Variants in UNC5D observed in about 807,000 individuals in gnomAD.
The protein encoded by UNC5D is netrin receptor UNC5D.
UNC5D carries 39 observed loss-of-function variants against 105.4 expected under a neutral mutation model. The ratio of observed to expected loss-of-function variants is 0.37; its 90% CI spans 0.29 to 0.48. The LOEUF is 0.48. UNC5D is among the 20% of genes least tolerant of loss of function. UNC5D has a pLI of 0.98. For missense variants in UNC5D, 991 were observed against 1,202.4 expected, an observed-to-expected ratio of 0.82 and a Z score of 2.60; for synonymous variants, 452 against 450.4, an observed-to-expected ratio of 1.00 and a Z score of -0.04.
chr8:35,374,597 C>T (rs1802592425), intron 1 of UNC5D, among the ~76,000 whole-genome samples: 1 of 152,146 alleles, frequency 6.6e-6, no homozygotes, highest in African/African-American at 2.4e-5. Context: ...TCATGTCAGG[C>T]ATCAGTGAGC....
At chr8:35,538,433 A>G (rs1214762488) in intron 1 of UNC5D, among the ~76,000 whole-genome samples, 1 of 132,988 alleles carries the variant, frequency 7.5e-6, no homozygotes, top group Non-Finnish European at 1.6e-5. Flanking sequence ...ATATATATAT[A>G]TATATATGAA....
intron 1 of UNC5D, among the ~76,000 whole-genome samples, chr8:35,398,775 C>T (rs1446318950): frequency 6.6e-6 from 1 of 152,102 alleles, no homozygotes; most frequent in African/African-American, 2.4e-5. Flanking sequence ...GTGATTTGGA[C>T]ACATTTTAAA....
intron 1 of UNC5D, among the ~76,000 whole-genome samples, chr8:35,540,028 A>G (rs948431228): frequency 8.1e-4 from 124 of 152,322 alleles, no homozygotes; most frequent in African/African-American, 2.8e-3. Flanking sequence ...GCATTAAAAC[A>G]ACCATTTTTC....
chr8:35,251,993 T>C (rs914176956), intron 1 of UNC5D, among the ~76,000 whole-genome samples: 6 of 151,112 alleles, frequency 4.0e-5, no homozygotes, highest in African/African-American at 9.7e-5. Flanking sequence ...CTAATATTAC[T>C]ACCCTGTTCC....
chr8:35,364,831 A>G (rs1419745616), intron 1 of UNC5D, among the ~76,000 whole-genome samples: 6 of 152,212 alleles, frequency 3.9e-5, no homozygotes, highest in African/African-American at 1.4e-4. Flanking sequence ...ACCATTATAA[A>G]TGATATGCTT....
rs796382583 is a variant in UNC5D, at chr8:35,341,454, GT to G, written c.103+105576del. ...GAAGGAGCTTGTTTTTTTTTTTTCT[GT>G]TTTTTTTTGTTTTTTGTTTTTCCAG... is the stretch of plus-strand genomic sequence containing the variant. On this transcript the variant is annotated intron_variant, in intron 1 of 16. Coordinates refer to ENST00000404895, the MANE Select transcript of UNC5D (RefSeq NM_080872.4). Among the ~76,000 whole-genome samples the G allele has an allele frequency of 2.5e-4, 36 of 145,760 alleles. 1 individual carries two copies. The highest frequency in any genetic ancestry group is 2.2e-4 in the South Asian group (1 of 4,578).
At chr8:35,547,347 G>A (rs1014891142) in intron 1 of UNC5D, among the ~76,000 whole-genome samples, 6 of 148,718 alleles carry the variant, frequency 4.0e-5, no homozygotes, top group African/African-American at 1.3e-4. Context: ...GCTGGAGGCT[G>A]GAGTGCAGTA....
At chr8:35,769,274 C>T (rs1301637157) in intron 15 of UNC5D, among the ~76,000 whole-genome samples, 1 of 152,082 alleles carries the variant, frequency 6.6e-6, no homozygotes, top group Non-Finnish European at 1.5e-5. Flanking sequence ...AACTCAGAGA[C>T]CTGACTTGAA....
chr8:35,630,847 A>G (rs1469240186), intron 4 of UNC5D, among the ~76,000 whole-genome samples: 5 of 152,212 alleles, frequency 3.3e-5, no homozygotes, highest in Non-Finnish European at 5.9e-5. Context: ...AATTTAAGCC[A>G]TGCTTCTCCC....
At chr8:35,567,617 G>A (rs1220660379) in intron 2 of UNC5D, among the ~76,000 whole-genome samples, 1 of 152,076 alleles carries the variant, frequency 6.6e-6, no homozygotes, top group Non-Finnish European at 1.5e-5. Flanking sequence ...TTTCAGCCTG[G>A]TCACCCCATC....
At chr8:35,265,487 A>G (rs1207790392) in intron 1 of UNC5D, among the ~76,000 whole-genome samples, 1 of 152,204 alleles carries the variant, frequency 6.6e-6, no homozygotes, top group Non-Finnish European at 1.5e-5. Context: ...AACTTTATTT[A>G]TAAAAGCAGG....
chr8:35,404,734 T>C (rs2128952858), intron 1 of UNC5D, among the ~76,000 whole-genome samples: 1 of 152,188 alleles, frequency 6.6e-6, no homozygotes, highest in Non-Finnish European at 1.5e-5. Flanking sequence ...ATTACAGGTG[T>C]CTGCCACCAC....
At position 35,387,362 on chromosome 8, in the gene UNC5D, C is replaced by CA. The variant is rs745672033; in HGVS notation, c.103+151488dup. 3.8e-3 allele frequency among the ~76,000 whole-genome samples: 431 copies of CA among 114,060 alleles called. 23 individuals are homozygous for CA. The highest frequency in any genetic ancestry group is 0.015 in the Admixed American group (162 of 10,990). 74.8% of individuals were successfully genotyped at this position (114,060 alleles called of 152,430 possible). On this transcript the variant is annotated intron_variant, in intron 1 of 16. Coordinates refer to ENST00000404895, the MANE Select transcript of UNC5D (RefSeq NM_080872.4). Reference sequence around the variant, plus strand: ...TGGGCGACACAGCGAGACTCCATCTCAAAAAAAAAAAAAGAGAAACGCAGA... The same window carrying CA: ...TGGGCGACACAGCGAGACTCCATCTCAAAAAAAAAAAAAAGAGAAACGCAGA...
At chr8:35,518,282 C>A (rs1055917657) in intron 1 of UNC5D, among the ~76,000 whole-genome samples, 1 of 152,004 alleles carries the variant, frequency 6.6e-6, no homozygotes, top group East Asian at 1.9e-4. Flanking sequence ...CTTTTCCTTC[C>A]CCATTTTCTT....
In UNC5D at chr8:35,795,241, G is replaced by C. The variant is rs1392273385; in HGVS notation, c.*4678G>C. On this transcript the variant is annotated 3_prime_UTR_variant, in exon 17 of 17. Coordinates refer to ENST00000404895, the MANE Select transcript of UNC5D (RefSeq NM_080872.4). The stretch of plus-strand genomic sequence containing the variant: ...AATTATAGACTATATTACTAAATTT[G>C]GTAAGGTAGTTCTTTGCATGAATGG... The C allele has an allele frequency of 6.6e-6, 1 of 151,994 alleles. No individual in the cohort carries two copies. The highest frequency in any genetic ancestry group is 1.5e-5 in the Non-Finnish European group (1 of 67,992). 9.4% of individuals were successfully genotyped at this position (151,994 alleles called of 1,614,324 possible).
chr8:35,545,236 C>T (rs1357706811), intron 1 of UNC5D, among the ~76,000 whole-genome samples: 1 of 152,222 alleles, frequency 6.6e-6, no homozygotes, highest in Non-Finnish European at 1.5e-5. Flanking sequence ...ATGACCTCCT[C>T]CCACCCTGTC....
chr8:35,708,992 C>A (rs138163029), intron 8 of UNC5D, among the ~76,000 whole-genome samples: 13 of 152,174 alleles, frequency 8.5e-5, no homozygotes, highest in Non-Finnish European at 1.8e-4. Context: ...CTTGGAGAGC[C>A]TCCTAGAGCC....
At chr8:35,590,070 T>G (rs1703619882) in intron 3 of UNC5D, among the ~76,000 whole-genome samples, 1 of 152,156 alleles carries the variant, frequency 6.6e-6, no homozygotes, top group African/African-American at 2.4e-5. Flanking sequence ...AATTAGTGAT[T>G]TGGTCCTTTT....
chr8:35,543,777 C>T (rs1414784878), intron 1 of UNC5D, among the ~76,000 whole-genome samples: 1 of 152,172 alleles, frequency 6.6e-6, no homozygotes, highest in Non-Finnish European at 1.5e-5. Flanking sequence ...TCCTAACACA[C>T]CCATCCTGAT....
Sources: gnomAD v4.1 joint callset for allele counts (sites outside exome capture counted in the v4.1 genomes callset) on GRCh38, gnomAD v4.1.1 for gene constraint, MANE v1.5 for transcripts, NCBI Gene and HGNC (gene_info 2026-07-23, HGNC 2026-07-21) for gene names.